AMPD3: variants seen among roughly 807,000 people sequenced by gnomAD.
The protein encoded by AMPD3 is AMP deaminase 3.
AMPD3 carries 57 observed loss-of-function variants against 82.3 expected under a neutral mutation model. That is an observed-to-expected ratio of 0.69 (90% CI 0.56 to 0.86). The LOEUF is 0.86. Ranked by LOEUF, AMPD3 falls within the 40% of genes least tolerant of loss-of-function variation. AMPD3 has a pLI of 0.00. For synonymous variants in AMPD3, 381 were observed against 394.7 expected (o/e 0.97, Z 0.41); for missense variants, 870 against 1,003.8 (o/e 0.87, Z 1.80).
chr11:10,455,444 C>T lies in AMPD3; in HGVS notation c.-10C>T, dbSNP rs376811442. ...TGGAGGCCCACGTGGGAGCAGTGAG[C>T]GGCTGTAAGCAGGGGAGGGTTTGGG... On this transcript the variant is annotated 5_prime_UTR_variant, in exon 1 of 15. Coordinates refer to ENST00000396553, the MANE Select transcript of AMPD3 (RefSeq NM_001025389.2). 13 of 908,372 alleles carry T rather than the reference C, an allele frequency of 1.4e-5. No individual in the cohort carries two copies. The South Asian group carries it at 2.1e-4, about 14-fold the overall frequency. The allele number at this position is 908,372 out of a possible 1,614,324, so 56.3% of individuals were successfully genotyped here.
intron 2 of AMPD3, among the ~76,000 whole-genome samples, chr11:10,469,971 C>T (rs1246278022): frequency 4.1e-5 from 6 of 147,674 alleles, no homozygotes; most frequent in East Asian, 2.0e-4. Flanking sequence ...ACCCGGGAGG[C>T]GGAGCTTGCA....
intron 2 of AMPD3, among the ~76,000 whole-genome samples, chr11:10,462,072 A>G (rs1248788958): frequency 6.6e-6 from 1 of 152,188 alleles, no homozygotes; most frequent in Non-Finnish European, 1.5e-5. Context: ...AGCATTTTGC[A>G]TTACTAATGA....
intron 1 of AMPD3, chr11:10,460,849 T>C: frequency 1.0e-6 from 1 of 978,676 alleles, no homozygotes; most frequent in Non-Finnish European, 1.2e-6. Context: ...GGAATCAGTA[T>C]GCGAGGAGGT....
upstream of AMPD3, chr11:10,455,047 A>G (rs927245878): frequency 4.6e-6 from 3 of 646,886 alleles, no homozygotes; most frequent in African/African-American, 4.0e-5. Flanking sequence ...TGAGCTCAGT[A>G]AGACACAACC....
At chr11:10,488,010 GAA>G (rs200645626) in intron 6 of AMPD3, among the ~76,000 whole-genome samples, 1 of 143,648 alleles carries the variant, frequency 7.0e-6, no homozygotes, top group African/African-American at 2.6e-5. Flanking sequence ...TAAATTCCCT[GAA>G]AAAAAAAAAA....
In AMPD3 at chr11:10,495,703, T is replaced by C; in HGVS notation, c.1400T>C (p.Met467Thr). Residue 467 changes from methionine (M) to threonine (T), a missense_variant, in exon 9 of 15, where the codon ATG (methionine) becomes ACG (threonine). Physicochemically the swap from Met to Thr is moderately conservative, Grantham distance 81. Coordinates refer to ENST00000396553, the MANE Select transcript of AMPD3 (RefSeq NM_001025389.2). ...CAGCACAAGGTCTACTCTCCCAACATGCGCTGGATCATCCAGGTGCCCCGG... is the reference window on the plus strand; with the variant it reads ...CAGCACAAGGTCTACTCTCCCAACACGCGCTGGATCATCCAGGTGCCCCGG... ...FIQHKVYSPNMRWIIQVPRIY... is the reference protein window; with the variant it reads ...FIQHKVYSPNTRWIIQVPRIY... 6.2e-7 allele frequency: 1 copy of C among 1,614,134 alleles called. No individual in the cohort carries two copies. The highest frequency in any genetic ancestry group is 8.5e-7 in the Non-Finnish European group (1 of 1,180,020).
At chr11:10,495,064 A>C in intron 8 of AMPD3, 34 bp downstream of exon 8, 1 of 1,613,706 alleles carries the variant, frequency 6.2e-7, no homozygotes, top group Non-Finnish European at 8.5e-7. Context: ...GAGGCCTCTC[A>C]GGTGCCTCCC....
At chr11:10,470,388 C>T (rs1442901401) in intron 2 of AMPD3, among the ~76,000 whole-genome samples, 1 of 152,126 alleles carries the variant, frequency 6.6e-6, no homozygotes. Flanking sequence ...GGAAGCATTC[C>T]CTTTGAAAAC....
chr11:10,474,574 G>A (rs1376803175), intron 2 of AMPD3, among the ~76,000 whole-genome samples: 1 of 152,238 alleles, frequency 6.6e-6, no homozygotes, highest in East Asian at 1.9e-4. Flanking sequence ...AGCAGGTGGA[G>A]CACCAGACAG....
intron 6 of AMPD3, among the ~76,000 whole-genome samples, chr11:10,491,305 G>A (rs1223957557): frequency 1.3e-5 from 2 of 152,156 alleles, no homozygotes; most frequent in Non-Finnish European, 2.9e-5. Flanking sequence ...AGCTTAGCTG[G>A]GGCTTCATTT....
upstream of AMPD3, chr11:10,450,583 G>A (rs1209728721): frequency 1.0e-6 from 1 of 988,026 alleles, no homozygotes; most frequent in Non-Finnish European, 1.2e-6. Flanking sequence ...GGTCTGGGGA[G>A]CCCGGCTGGC....
intron 11 of AMPD3, chr11:10,500,669 T>C (rs1849553227): frequency 3.0e-6 from 3 of 985,354 alleles, no homozygotes; most frequent in Non-Finnish European, 1.2e-6. Flanking sequence ...CACACGTGCA[T>C]ATTTTCGTTC....
chr11:10,467,597 G>T (rs1017504137), intron 2 of AMPD3, among the ~76,000 whole-genome samples: 1 of 152,164 alleles, frequency 6.6e-6, no homozygotes, highest in Non-Finnish European at 1.5e-5. Flanking sequence ...CACTCTTCAG[G>T]ATATTATCCA....
intron 13 of AMPD3, chr11:10,504,072 C>T (rs1005117281): frequency 1.9e-5 from 18 of 947,208 alleles, no homozygotes; most frequent in Non-Finnish European, 2.3e-5. Flanking sequence ...GATCACTTCT[C>T]ATTTTTTTTT....
intron 2 of AMPD3, among the ~76,000 whole-genome samples, chr11:10,472,636 G>T (rs1168063924): frequency 1.3e-5 from 2 of 152,148 alleles, no homozygotes; most frequent in Non-Finnish European, 2.9e-5. Flanking sequence ...TAAGAATGGG[G>T]AACTTTTTAA....
At position 10,482,140 on chromosome 11, in the gene AMPD3, C is replaced by T. The variant is rs754355489; in HGVS notation, c.504C>T (p.Leu168=). 65 of 1,614,014 alleles carry T rather than the reference C, an allele frequency of 4.0e-5. No individual in the cohort carries two copies. Among genetic ancestry groups the T allele is most frequent in the South Asian group, 8.8e-5 (8 of 91,092 alleles). The change falls in exon 4 of 15, where the codon CTC becomes CTT. Residue 168 remains leucine, a synonymous_variant. Transcript: ENST00000396553. ...TGATCCGGGAGAAGTATGCGCGGCT[C>T]GCCTACCACCGCTTCCCGCGGATCA... ...ALMIREKYAR[L]AYHRFPRITS...
At chr11:10,481,202 T>G (rs918317923) in intron 3 of AMPD3, among the ~76,000 whole-genome samples, 1 of 152,200 alleles carries the variant, frequency 6.6e-6, no homozygotes. Flanking sequence ...CAATGGGGCT[T>G]GTTGCCTGGA....
Position 10,456,231 on chromosome 11 carries a change from C to A in AMPD3, c.-6+783C>A. 2.4e-5 allele frequency: 35 copies of A among 1,485,886 alleles called. No individual in the cohort carries two copies. Among genetic ancestry groups the A allele is most frequent in the Non-Finnish European group, 3.0e-5 (34 of 1,118,848 alleles). The allele number at this position is 1,485,886 out of a possible 1,614,324, so 92.0% of individuals were successfully genotyped here. Reference sequence around the variant, plus strand: ...CCCAGGCTTTTCCTGCTCTGGCTCACTGCTGCTCACAGATATGCAAAACAG... The same window carrying A: ...CCCAGGCTTTTCCTGCTCTGGCTCAATGCTGCTCACAGATATGCAAAACAG... On this transcript the variant is annotated intron_variant, in intron 1 of 14. Transcript: ENST00000396553. The surrounding 1 kb of genome is among the most constrained non-coding windows in gnomAD (Gnocchi z 4.3).
At chr11:10,469,840 C>T (rs1848534697) in intron 2 of AMPD3, among the ~76,000 whole-genome samples, 1 of 151,990 alleles carries the variant, frequency 6.6e-6, no homozygotes, top group African/African-American at 2.4e-5. Context: ...GAGATCGAGA[C>T]CATCCCGGCT....
Sources: allele counts gnomAD v4.1 joint callset (sites outside exome capture counted in the v4.1 genomes callset), GRCh38; gene constraint gnomAD v4.1.1; non-coding constraint Gnocchi (gnomAD v3.1); transcripts MANE v1.5; gene names NCBI Gene and HGNC (gene_info 2026-07-23, HGNC 2026-07-21).